The following GPD1L variants were observed in gnomAD, a reference collection of about 807,000 sequenced individuals.
GPD1L encodes glycerol-3-phosphate dehydrogenase 1-like protein.
In GPD1L, 17 loss-of-function variants were observed where a neutral mutation model predicts 32.9. That is an observed-to-expected ratio of 0.52 (90% CI 0.35 to 0.78). The LOEUF (loss-of-function observed/expected upper bound fraction) is 0.78, where lower values mean the gene tolerates loss of function less well. GPD1L is among the 30% of genes least tolerant of loss of function. The probability of loss-of-function intolerance (pLI) is 0.01; values close to 1 mark genes in which losing one functional copy is unlikely to be tolerated. For missense variants in GPD1L, 361 were observed against 447.8 expected (o/e 0.81, Z 1.75); for synonymous variants, 187 against 165.9 (o/e 1.13, Z -0.98).
chr3:32,117,067 A>G (rs1700342697), intron 1 of GPD1L, among the ~76,000 whole-genome samples: 1 of 152,232 alleles, frequency 6.6e-6, no homozygotes, highest in African/African-American at 2.4e-5. Context: ...CTACGTATGC[A>G]GTGGAGCTCT....
At chr3:32,140,930 A>C (rs1700733833) in intron 4 of GPD1L, among the ~76,000 whole-genome samples, 1 of 152,232 alleles carries the variant, frequency 6.6e-6, no homozygotes, top group African/African-American at 2.4e-5. Context: ...ATTATACATT[A>C]GATACATTAT....
intron 4 of GPD1L, among the ~76,000 whole-genome samples, chr3:32,142,835 C>A (rs960727981): frequency 6.6e-6 from 1 of 152,048 alleles, no homozygotes; most frequent in Non-Finnish European, 1.5e-5. Flanking sequence ...TCTGGCATTT[C>A]TTTACCCGGT....
chr3:32,116,593 C>A (rs1700336399), intron 1 of GPD1L, among the ~76,000 whole-genome samples: 1 of 144,338 alleles, frequency 6.9e-6, no homozygotes, highest in Admixed American at 6.8e-5. Context: ...CCTACGATAG[C>A]AAGCTGGGGT....
chr3:32,138,821 G>A, intron 3 of GPD1L, 94 bp downstream of exon 3: 1 of 1,308,752 alleles, frequency 7.6e-7, no homozygotes, highest in Non-Finnish European at 1.1e-6. Flanking sequence ...GGAGCTGAAG[G>A]GGAAGTTGTG....
chr3:32,166,411 T>A lies in GPD1L; in HGVS notation c.*501T>A, dbSNP rs1701148328. The A allele has an allele frequency of 5.8e-6, 1 of 173,280 alleles. No individual in the cohort carries two copies. The allele number at this position is 173,280 out of a possible 1,614,324, so 10.7% of individuals were successfully genotyped here. A position where few individuals can be genotyped will look rare whatever the true frequency, so the allele number is the denominator to read the frequency against. ...CTCAAAGCCAGCATAATTAACTACT[T>A]TGATTGTGGGCTGACCTTTGTTTTT... On this transcript the variant is annotated 3_prime_UTR_variant, in exon 8 of 8. Transcript: ENST00000282541.
chr3:32,147,891 A>T (rs1478943913), intron 5 of GPD1L, among the ~76,000 whole-genome samples: 1 of 152,160 alleles, frequency 6.6e-6, no homozygotes, highest in African/African-American at 2.4e-5. Flanking sequence ...ATGTGTGGTC[A>T]TGATATATAA....
Position 32,146,703 on chromosome 3 carries a change from C to T in GPD1L, c.587C>T (p.Ala196Val). The part of the protein sequence containing the change: ...PNFRITVVDD[A>V]DTVELCGALK... ...TTTCGAATTACCGTGGTTGATGATG[C>T]AGACACTGTTGAACTCTGTGGTGCG... The change falls in exon 5 of 8, where the codon GCA becomes GTA. Residue 196 changes from alanine to valine, a missense_variant. By Grantham distance (64) the Ala-to-Val change is moderately conservative. Transcript: ENST00000282541. 3 of 1,611,630 alleles carry T rather than the reference C, an allele frequency of 1.9e-6. No homozygotes were observed. The highest frequency in any genetic ancestry group is 2.5e-6 in the Non-Finnish European group (3 of 1,177,694).
intron 5 of GPD1L, among the ~76,000 whole-genome samples, chr3:32,157,080 A>G (rs1390934757): frequency 6.6e-6 from 1 of 152,120 alleles, no homozygotes; most frequent in Non-Finnish European, 1.5e-5. Flanking sequence ...TGAAGTTCCA[A>G]CTGAGTTGCC....
At chr3:32,137,033 G>A (rs1004597213) in intron 2 of GPD1L, among the ~76,000 whole-genome samples, 2 of 152,176 alleles carry the variant, frequency 1.3e-5, no homozygotes, top group Admixed American at 1.3e-4. Flanking sequence ...TTACAGGTCT[G>A]TGATTATAGA....
chr3:32,106,656 G>A lies in GPD1L; in HGVS notation c.-56G>A. 6.8e-7 allele frequency: 1 copy of A among 1,464,090 alleles called. No individual in the cohort carries two copies. Among genetic ancestry groups the A allele is most frequent in the Non-Finnish European group, 9.1e-7 (1 of 1,100,338 alleles). 90.7% of individuals were successfully genotyped at this position (1,464,090 alleles called of 1,614,324 possible). ...CCGCTGCGGGCAAGGCTGAACAGGC[G>A]GAGGTGGGCAGCCGGCCAGGGAAGC... On this transcript the variant is annotated 5_prime_UTR_variant, in exon 1 of 8. Transcript: ENST00000282541. This position sits in a 1 kb window ranked among gnomAD's most constrained non-coding sequence, Gnocchi z 4.0.
chr3:32,158,460 T>C (rs562946076), intron 5 of GPD1L: 34 of 305,968 alleles, frequency 1.1e-4, no homozygotes, highest in Non-Finnish European at 2.0e-4. Context: ...TATGGGGGTA[T>C]GCTCAGTTTG....
At chr3:32,152,832 AGAAAG>A (rs1700938130) in intron 5 of GPD1L, among the ~76,000 whole-genome samples, 1 of 127,752 alleles carries the variant, frequency 7.8e-6, no homozygotes, top group African/African-American at 3.4e-5. Context: ...TAAAAAAAGA[AGAAAG>A]AAAGAAAGAA....
intron 4 of GPD1L, 135 bp from the exon 5 acceptor site, chr3:32,146,487 C>T (rs1159435522): frequency 2.9e-6 from 2 of 681,840 alleles, no homozygotes; most frequent in African/African-American, 1.8e-5. Flanking sequence ...ATTTCTGCTC[C>T]TATGTGTTTT....
chr3:32,158,989 C>T lies in GPD1L; in HGVS notation c.732C>T (p.Phe244=). 6.2e-7 allele frequency: 1 copy of T among 1,614,114 alleles called. No homozygotes were observed. The highest frequency in any genetic ancestry group is 8.5e-7 in the Non-Finnish European group (1 of 1,180,030). ...LMEMIAFARI[F]CKGQVSTATF... is the part of the protein sequence containing the mutation. Reference sequence around the variant, plus strand: ...AAATGATTGCTTTTGCCAGGATCTTCTGCAAAGGCCAAGTGTCTACAGCCA... The same window carrying T: ...AAATGATTGCTTTTGCCAGGATCTTTTGCAAAGGCCAAGTGTCTACAGCCA... The change falls in exon 6 of 8, where the codon TTC becomes TTT. Residue 244 remains phenylalanine, a synonymous_variant. Coordinates refer to ENST00000282541, the MANE Select transcript of GPD1L (RefSeq NM_015141.4).
In GPD1L at chr3:32,106,646, C is replaced by A; in HGVS notation, c.-66C>A. 1.4e-6 allele frequency: 2 copies of A among 1,433,138 alleles called. No homozygotes were observed. The highest frequency in any genetic ancestry group is 1.9e-6 in the Non-Finnish European group (2 of 1,080,702). 88.8% of individuals were successfully genotyped at this position (1,433,138 alleles called of 1,614,324 possible). A position where few individuals can be genotyped will look rare whatever the true frequency, so the allele number is the denominator to read the frequency against. ...CCGCCGCCAGCCGCTGCGGGCAAGGCTGAACAGGCGGAGGTGGGCAGCCGG... is the reference window on the plus strand; with the variant it reads ...CCGCCGCCAGCCGCTGCGGGCAAGGATGAACAGGCGGAGGTGGGCAGCCGG... On this transcript the variant is annotated 5_prime_UTR_variant, in exon 1 of 8. In the 5' UTR this introduces an upstream ATG that the reference lacks. Coordinates refer to ENST00000282541, the MANE Select transcript of GPD1L (RefSeq NM_015141.4). The surrounding 1 kb of genome is among the most constrained non-coding windows in gnomAD (Gnocchi z 4.0).
intron 5 of GPD1L, 52 bp from the exon 6 acceptor site, chr3:32,158,824 T>C (rs1701033173): frequency 6.3e-7 from 1 of 1,589,918 alleles, no homozygotes; most frequent in African/African-American, 1.3e-5. Context: ...CTGGCATCCA[T>C]ACCCGTGGTG....
chr3:32,132,675 A>G (rs1049649119), intron 2 of GPD1L, among the ~76,000 whole-genome samples: 4 of 152,034 alleles, frequency 2.6e-5, no homozygotes, highest in African/African-American at 9.7e-5. Context: ...CCACTCCTAT[A>G]GTTTCTGATT....
At chr3:32,114,359 G>A (rs534270863) in intron 1 of GPD1L, among the ~76,000 whole-genome samples, 2 of 152,346 alleles carry the variant, frequency 1.3e-5, no homozygotes, top group South Asian at 4.1e-4. Context: ...GCTGTAGCAC[G>A]AATTGGGCCA....
intron 1 of GPD1L, among the ~76,000 whole-genome samples, chr3:32,125,854 A>C (rs925660228): frequency 6.6e-6 from 1 of 152,232 alleles, no homozygotes; most frequent in African/African-American, 2.4e-5. Flanking sequence ...TGAATGACTG[A>C]AATTATTGAT....
Sources: gnomAD v4.1 joint callset for allele counts (sites outside exome capture counted in the v4.1 genomes callset) on GRCh38, gnomAD v4.1.1 for gene constraint, Gnocchi (gnomAD v3.1) non-coding constraint, MANE v1.5 for transcripts, NCBI Gene and HGNC (gene_info 2026-07-23, HGNC 2026-07-21) for gene names.